The following SLC35F3 variants were observed in gnomAD, a reference collection of about 807,000 sequenced individuals.
SLC35F3 encodes solute carrier family 35 member F3, also known as putative thiamine transporter SLC35F3.
SLC35F3 carries 25 observed loss-of-function variants against 49.9 expected under a neutral mutation model. The ratio of observed to expected loss-of-function variants is 0.50; its 90% CI spans 0.37 to 0.70. The LOEUF (loss-of-function observed/expected upper bound fraction) is 0.70, where lower values mean the gene tolerates loss of function less well. Among genes scored for constraint, SLC35F3 ranks in the 30% least tolerant of loss-of-function variants. The pLI is 0.00. For missense variants in SLC35F3, 525 were observed against 639.8 expected (o/e 0.82, Z 1.94); for synonymous variants, 275 against 265.4 (o/e 1.04, Z -0.35).
At chr1:234,321,028 T>A (rs1657606750) in intron 7 of SLC35F3, among the ~76,000 whole-genome samples, 1 of 113,018 alleles carries the variant, frequency 8.8e-6, no homozygotes, top group South Asian at 3.1e-4. Context: ...TCCAGGCCAT[T>A]AAAAGATTGC....
intron 2 of SLC35F3, among the ~76,000 whole-genome samples, chr1:234,005,550 A>G (rs1241456252): frequency 1.3e-5 from 2 of 152,332 alleles, no homozygotes; most frequent in East Asian, 3.9e-4. Context: ...GTTGATAATG[A>G]CAAATAGATA....
intron 2 of SLC35F3, among the ~76,000 whole-genome samples, chr1:234,192,616 A>G (rs1241296205): frequency 6.6e-6 from 1 of 152,120 alleles, no homozygotes; most frequent in East Asian, 1.9e-4. Flanking sequence ...AGAGAAACAA[A>G]TAAAGGACAT....
chr1:234,139,951 T>TATAAAATAAAATAAAATAAAATAA (rs1665867565), intron 2 of SLC35F3, among the ~76,000 whole-genome samples: 1 of 90,564 alleles, frequency 1.1e-5, no homozygotes, highest in Admixed American at 1.2e-4. Flanking sequence ...CATCTCAAAA[T>TATAAAATAAAATAAAATAAAATAA]AATAAAATAA....
chr1:233,992,621 C>T (rs1663382713), intron 2 of SLC35F3, among the ~76,000 whole-genome samples: 1 of 152,230 alleles, frequency 6.6e-6, no homozygotes, highest in Admixed American at 6.5e-5. Context: ...ATGACCCAAA[C>T]ACTTTTCACT....
intron 2 of SLC35F3, among the ~76,000 whole-genome samples, chr1:234,012,807 T>A (rs1663744338): frequency 6.6e-6 from 1 of 152,224 alleles, no homozygotes; most frequent in South Asian, 2.1e-4. Flanking sequence ...GATCTCTCTT[T>A]CTTTGCCCTA....
intron 2 of SLC35F3, among the ~76,000 whole-genome samples, chr1:233,928,010 C>G (rs1358274362): frequency 6.6e-6 from 1 of 152,134 alleles, no homozygotes; most frequent in South Asian, 2.1e-4. Flanking sequence ...AAACATGATA[C>G]ATTTTTTTTC....
Position 234,139,951 on chromosome 1 carries a change from T to TAATAAAATAAAATAAATAA in SLC35F3, c.284-91450_284-91449insTAAAATAAAATAAAATAAA, listed in dbSNP as rs1665868637. On this transcript the variant is annotated intron_variant, in intron 2 of 7. Coordinates refer to ENST00000366618, the MANE Select transcript of SLC35F3 (RefSeq NM_173508.4). Reference sequence around the variant, plus strand: ...AACAGAGCGAGACTCCATCTCAAAATAATAAAATAAAATAAAATAAAATAA... The same window carrying TAATAAAATAAAATAAATAA: ...AACAGAGCGAGACTCCATCTCAAAATAATAAAATAAAATAAATAAAATAAAATAAAATAAAATAAAATAA... 2.2e-4 allele frequency among the ~76,000 whole-genome samples: 20 copies of TAATAAAATAAAATAAATAA among 90,580 alleles called. 1 individual carries two copies. Among genetic ancestry groups the TAATAAAATAAAATAAATAA allele is most frequent in the South Asian group, 3.5e-4 (1 of 2,864 alleles). The allele number at this position is 90,580 out of a possible 152,430, so 59.4% of individuals were successfully genotyped here.
intron 2 of SLC35F3, among the ~76,000 whole-genome samples, chr1:234,084,082 G>C (rs1664924061): frequency 6.6e-6 from 1 of 151,976 alleles, no homozygotes; most frequent in African/African-American, 2.4e-5. Flanking sequence ...CAGGTGATCT[G>C]CCTGCCTCAG....
At chr1:234,204,183 A>G (rs1666938978) in intron 2 of SLC35F3, among the ~76,000 whole-genome samples, 1 of 152,180 alleles carries the variant, frequency 6.6e-6, no homozygotes, top group Non-Finnish European at 1.5e-5. Context: ...TTTGAAGCTT[A>G]TCTATATTCA....
intron 2 of SLC35F3, among the ~76,000 whole-genome samples, chr1:234,013,761 A>G (rs1469647842): frequency 6.6e-6 from 1 of 152,008 alleles, no homozygotes; most frequent in Non-Finnish European, 1.5e-5. Context: ...CTGGAACTAT[A>G]CAATTACCAA....
intron 3 of SLC35F3, among the ~76,000 whole-genome samples, chr1:234,252,933 A>G (rs928148978): frequency 5.9e-5 from 9 of 152,254 alleles, no homozygotes; most frequent in African/African-American, 2.2e-4. Context: ...TGATATCATT[A>G]CAGCATTGTT....
intron 2 of SLC35F3, among the ~76,000 whole-genome samples, chr1:234,155,410 T>C (rs1022184680): frequency 9.1e-6 from 1 of 110,128 alleles, no homozygotes; most frequent in Admixed American, 1.2e-4. Context: ...TTATTATTAT[T>C]ATTATTATTA....
At chr1:234,267,910 A>G (rs1668021596) in intron 3 of SLC35F3, among the ~76,000 whole-genome samples, 1 of 140,530 alleles carries the variant, frequency 7.1e-6, no homozygotes, top group African/African-American at 2.8e-5. Context: ...TGCCGGGCAG[A>G]GACGCTCCTC....
rs569792245 is a variant in SLC35F3 at position 234,295,942 on chromosome 1, C to T, written c.609-13159C>T. ...GTCCACACACTCTGCTGTGTCTTCT[C>T]CACTCTGGGATATAAATGCTGTTGG... On this transcript the variant is annotated intron_variant, in intron 3 of 7. Coordinates refer to ENST00000366618, the MANE Select transcript of SLC35F3 (RefSeq NM_173508.4). Among the ~76,000 whole-genome samples the T allele has an allele frequency of 9.2e-5, 14 of 152,332 alleles. No individual in the cohort carries two copies. In the South Asian group the frequency reaches 2.7e-3, roughly 29 times the overall value.
chr1:234,302,194 AAAAAG>A (rs1420194873), intron 3 of SLC35F3, among the ~76,000 whole-genome samples: 11 of 152,138 alleles, frequency 7.2e-5, no homozygotes, highest in Admixed American at 7.2e-4. Context: ...AATTAAAAGA[AAAAAG>A]AAGAATACCA....
At chr1:234,302,538 C>A (rs751166540) in intron 3 of SLC35F3, among the ~76,000 whole-genome samples, 1 of 151,814 alleles carries the variant, frequency 6.6e-6, no homozygotes, top group Non-Finnish European at 1.5e-5. Flanking sequence ...AGGAAAGGGG[C>A]GGGTGAGAGG....
chr1:234,196,812 C>A (rs937782283), intron 2 of SLC35F3, among the ~76,000 whole-genome samples: 8 of 152,194 alleles, frequency 5.3e-5, no homozygotes, highest in Non-Finnish European at 1.0e-4. Flanking sequence ...CGTGGTGGCA[C>A]ATGCCTGTAA....
intron 2 of SLC35F3, among the ~76,000 whole-genome samples, chr1:234,180,708 C>T (rs895132159): frequency 6.6e-6 from 1 of 152,152 alleles, no homozygotes; most frequent in African/African-American, 2.4e-5. Flanking sequence ...AATCCCATAA[C>T]GTTTAGAGGA....
At chr1:234,290,926 T>C (rs1668496869) in intron 3 of SLC35F3, among the ~76,000 whole-genome samples, 1 of 152,202 alleles carries the variant, frequency 6.6e-6, no homozygotes, top group Non-Finnish European at 1.5e-5. Context: ...CTACTCTCTG[T>C]ACTGGCTTGA....
Sources: gnomAD v4.1 joint callset for allele counts (sites outside exome capture counted in the v4.1 genomes callset) on GRCh38, gnomAD v4.1.1 for gene constraint, MANE v1.5 for transcripts, NCBI Gene and HGNC (gene_info 2026-07-23, HGNC 2026-07-21) for gene names.